The following TK2 variants were observed in gnomAD, a reference collection of about 807,000 sequenced individuals.
The protein encoded by TK2 is thymidine kinase 2, mitochondrial.
A neutral mutation model predicts 41.9 loss-of-function variants in TK2; 35 were observed. The observed-to-expected ratio is 0.84, with a 90% CI of 0.64 to 1.11. The LOEUF (loss-of-function observed/expected upper bound fraction) is 1.11, where lower values mean the gene tolerates loss of function less well. Among genes scored for constraint, TK2 ranks in the 50% least tolerant of loss-of-function variants. The pLI is 0.00. For missense variants in TK2, 320 were observed against 351.1 expected, an observed-to-expected ratio of 0.91 and a Z score of 0.71; for synonymous variants, 128 against 129.1, an observed-to-expected ratio of 0.99 and a Z score of 0.06.
At position 66,539,296 on chromosome 16, in the gene TK2, C is replaced by G. The variant is rs868158187; in HGVS notation, c.232-2279G>C. Among the ~76,000 whole-genome samples, 8 of 152,128 alleles carry G rather than the reference C, an allele frequency of 5.3e-5. No homozygotes were observed. In the South Asian group the frequency reaches 1.5e-3, roughly 28 times the overall value. On this transcript the variant is annotated intron_variant, in intron 3 of 9. Transcript: ENST00000544898. ...TAAGATGGATTACACCGAAAGGACA[C>G]AAAACAAGATCAGCAAAGGGGACCG...
rs960735903 is a variant in TK2 at position 66,536,952 on chromosome 16, C to G, written c.285+12G>C. On this transcript the variant is annotated intron_variant, in intron 4 of 9. Transcript: ENST00000544898. ...GGAAGCCGGGGGTTCATGCAACCAACAACCCACTCACCAGAGGATTGTGGC... is the reference window on the plus strand; with the variant it reads ...GGAAGCCGGGGGTTCATGCAACCAAGAACCCACTCACCAGAGGATTGTGGC... 6.2e-7 allele frequency: 1 copy of G among 1,614,068 alleles called. No individual in the cohort carries two copies. Among genetic ancestry groups the G allele is most frequent in the African/African-American group, 1.3e-5 (1 of 75,000 alleles).
intron 6 of TK2, among the ~76,000 whole-genome samples, chr16:66,528,446 T>C (rs974336608): frequency 2.0e-5 from 3 of 152,124 alleles, no homozygotes; most frequent in African/African-American, 7.2e-5. Flanking sequence ...CTCGCCCAAC[T>C]CTCCACCCTT....
rs868812856 is a variant in TK2, at chr16:66,550,108, T to C, written c.-47A>G. 1.9e-6 allele frequency: 3 copies of C among 1,609,268 alleles called. No homozygotes were observed. The highest frequency in any genetic ancestry group is 2.2e-5 in the East Asian group (1 of 44,760). ...GGCCCGGGGTTCCTTCTTGTGCGAG[T>C]CGGCGCGGACGACTGCTAGTCCAGC... On this transcript the variant is annotated 5_prime_UTR_variant, in exon 1 of 10. Coordinates refer to ENST00000544898, the MANE Select transcript of TK2 (RefSeq NM_004614.5).
At chr16:66,523,832 C>CA (rs911954200) in intron 6 of TK2, among the ~76,000 whole-genome samples, 6 of 151,342 alleles carry the variant, frequency 4.0e-5, no homozygotes, top group East Asian at 3.9e-4. Flanking sequence ...GTCTCAAAAT[C>CA]AAAAAAACAA....
chr16:66,536,202 CAA>C (rs35291905), intron 4 of TK2, among the ~76,000 whole-genome samples: 25 of 83,092 alleles, frequency 3.0e-4, no homozygotes, highest in Admixed American at 1.3e-4. Context: ...GACTCCATCT[CAA>C]AAAAAAAAAA....
chr16:66,535,754 GT>G (rs1965256979), intron 4 of TK2, among the ~76,000 whole-genome samples: 3 of 152,202 alleles, frequency 2.0e-5, no homozygotes, highest in Non-Finnish European at 4.4e-5. Flanking sequence ...CTGAATATTG[GT>G]TGAATGAATG....
chr16:66,519,785 G>A (rs1964725718), intron 6 of TK2, among the ~76,000 whole-genome samples: 2 of 152,224 alleles, frequency 1.3e-5, no homozygotes, highest in Admixed American at 6.5e-5. Context: ...GACTGGCCAT[G>A]GGGGAGTGGC....
chr16:66,532,606 A>G (rs928886676), intron 4 of TK2, among the ~76,000 whole-genome samples: 12 of 130,308 alleles, frequency 9.2e-5, no homozygotes, highest in Admixed American at 4.3e-4. Context: ...CCCTGTCTCG[A>G]AAAAAAAAAT....
At chr16:66,536,158 C>T (rs952759941) in intron 4 of TK2, among the ~76,000 whole-genome samples, 2 of 149,746 alleles carry the variant, frequency 1.3e-5, no homozygotes, top group Non-Finnish European at 3.0e-5. Context: ...GAGCCGAGAT[C>T]GCGCCACTGC....
intron 1 of TK2, chr16:66,549,449 G>A: frequency 1.9e-6 from 2 of 1,054,940 alleles, no homozygotes; most frequent in Non-Finnish European, 2.3e-6. Flanking sequence ...GTTCTGAGGC[G>A]TCTCTCAACA....
At chr16:66,549,817 G>T (rs750402529) in intron 1 of TK2, 121 bp downstream of exon 1, 3 of 1,287,390 alleles carry the variant, frequency 2.3e-6, no homozygotes, top group East Asian at 3.2e-5. Flanking sequence ...GCCGCAGCCG[G>T]GGAGGAAATC....
At chr16:66,529,165 G>T in intron 5 of TK2, 98 bp from the exon 6 acceptor site, 1 of 1,149,846 alleles carries the variant, frequency 8.7e-7, no homozygotes, top group African/African-American at 1.5e-5. Flanking sequence ...TGGGGACTTT[G>T]CTGAATATGA....
At chr16:66,535,884 C>G (rs1355391149) in intron 4 of TK2, among the ~76,000 whole-genome samples, 1 of 152,166 alleles carries the variant, frequency 6.6e-6, no homozygotes. Flanking sequence ...ATGAACCACA[C>G]AGGAGATGCC....
At position 66,509,602 on chromosome 16, in the gene TK2, C is replaced by A. The variant is rs1964391414; in HGVS notation, c.*2366G>T. On this transcript the variant is annotated 3_prime_UTR_variant, in exon 10 of 10. Coordinates refer to ENST00000544898, the MANE Select transcript of TK2 (RefSeq NM_004614.5). ...CTCTGCGGTGTACTGACTTCATGTC[C>A]CCATGGAACTCCAGTCTCACAGCAA... 6.6e-6 allele frequency: 1 copy of A among 152,230 alleles called. No homozygotes were observed. The highest frequency in any genetic ancestry group is 1.5e-5 in the Non-Finnish European group (1 of 68,044). 9.4% of individuals were successfully genotyped at this position (152,230 alleles called of 1,614,324 possible). A position where few individuals can be genotyped will look rare whatever the true frequency, so the allele number is the denominator to read the frequency against.
intron 2 of TK2, among the ~76,000 whole-genome samples, chr16:66,542,227 C>T (rs1404178841): frequency 1.3e-5 from 2 of 152,190 alleles, no homozygotes; most frequent in Non-Finnish European, 1.5e-5. Flanking sequence ...CTTGTCTGCC[C>T]AGCCCAGCTC....
intron 9 of TK2, among the ~76,000 whole-genome samples, chr16:66,513,150 A>G (rs1477448383): frequency 1.3e-5 from 2 of 152,226 alleles, no homozygotes; most frequent in Non-Finnish European, 2.9e-5. Flanking sequence ...ATGGGGAAGT[A>G]AGGAAATGCT....
intron 6 of TK2, among the ~76,000 whole-genome samples, chr16:66,527,297 C>T (rs755001631): frequency 6.6e-5 from 10 of 152,224 alleles, no homozygotes; most frequent in Admixed American, 2.0e-4. Flanking sequence ...CTCTGATGCT[C>T]TGGGTGGATT....
chr16:66,514,402 G>A lies in TK2; in HGVS notation c.619-591C>T, dbSNP rs1292012426. 6.6e-6 allele frequency among the ~76,000 whole-genome samples: 1 copy of A among 152,262 alleles called. No homozygotes were observed. The highest frequency in any genetic ancestry group is 1.5e-5 in the Non-Finnish European group (1 of 68,042). On this transcript the variant is annotated intron_variant, in intron 8 of 9. Transcript: ENST00000544898. This position sits in a 1 kb window ranked among gnomAD's most constrained non-coding sequence, Gnocchi z 4.2. ...TCCCGAGGTGCCGGGATTGCAGACG[G>A]AGTCTGGTTCACTCAGTGCTCAATG...
At chr16:66,540,173 CTTTT>C (rs200305417) in intron 3 of TK2, among the ~76,000 whole-genome samples, 2 of 130,768 alleles carry the variant, frequency 1.5e-5, no homozygotes, top group Admixed American at 8.2e-5. Flanking sequence ...TTTCTTTTTT[CTTTT>C]TTTTTTTTTT....
Sources: allele counts gnomAD v4.1 joint callset (sites outside exome capture counted in the v4.1 genomes callset), GRCh38; gene constraint gnomAD v4.1.1; non-coding constraint Gnocchi (gnomAD v3.1); transcripts MANE v1.5; gene names NCBI Gene and HGNC (gene_info 2026-07-23, HGNC 2026-07-21).